Variants in EFR3B observed in about 807,000 individuals in gnomAD.
EFR3B encodes EFR3 homolog B, also known as protein EFR3 homolog B.
In EFR3B, 64 loss-of-function variants were observed where a neutral mutation model predicts 104.7. That is an observed-to-expected ratio of 0.61 (90% CI 0.50 to 0.75). EFR3B has a LOEUF of 0.75. EFR3B is among the 30% of genes least tolerant of loss of function. The pLI is 0.00. For synonymous variants in EFR3B, 385 were observed against 417.9 expected, an observed-to-expected ratio of 0.92 and a Z score of 0.96; for missense variants, 750 against 1,078.5, an observed-to-expected ratio of 0.70 and a Z score of 4.27.
chr2:25,084,588 G>A lies in EFR3B; in HGVS notation c.8-6737G>A, dbSNP rs571248920. Among the ~76,000 whole-genome samples the A allele has an allele frequency of 1.5e-3, 231 of 152,238 alleles. 3 individuals carry two copies. The highest frequency in any genetic ancestry group is 5.2e-3 in the African/African-American group (218 of 41,544). The stretch of plus-strand genomic sequence containing the variant: ...ATTTTGCCAGGCTGAGGACGTGCCC[G>A]TGACACAGCCTCAGGAGGTCCTGAC... On this transcript the variant is annotated intron_variant, in intron 1 of 22. Coordinates refer to ENST00000403714, the MANE Select transcript of EFR3B (RefSeq NM_014971.2).
intron 4 of EFR3B, among the ~76,000 whole-genome samples, chr2:25,120,498 G>A (rs1669982632): frequency 6.6e-6 from 1 of 152,090 alleles, no homozygotes. Context: ...ACAAAAATTA[G>A]CTGGGCATGG....
intron 1 of EFR3B, among the ~76,000 whole-genome samples, chr2:25,072,844 GC>G (rs1420564160): frequency 6.6e-6 from 1 of 152,092 alleles, no homozygotes; most frequent in Non-Finnish European, 1.5e-5. Context: ...CTACTCTCAG[GC>G]CTTTTCTGCT....
rs539720823 is a variant in EFR3B, at chr2:25,095,868, C to G, written c.212+2738C>G. Among the ~76,000 whole-genome samples, 5 of 152,188 alleles carry G rather than the reference C, an allele frequency of 3.3e-5. No individual in the cohort carries two copies. In the South Asian group the frequency reaches 1.0e-3, roughly 32 times the overall value. On this transcript the variant is annotated intron_variant, in intron 3 of 22. Transcript: ENST00000403714. ...ACAATAAAAAACATGAACTGCAGAG[C>G]ACGTTGTGTTTGCTCCCCAACCATC...
chr2:25,059,006 G>A (rs1002597925), intron 1 of EFR3B, among the ~76,000 whole-genome samples: 4 of 152,060 alleles, frequency 2.6e-5, no homozygotes, highest in African/African-American at 7.2e-5. Flanking sequence ...GTTCACAGCA[G>A]CATTATTCAC....
chr2:25,118,035 A>G (rs539096971), intron 4 of EFR3B, among the ~76,000 whole-genome samples: 1 of 152,260 alleles, frequency 6.6e-6, no homozygotes, highest in Admixed American at 6.5e-5. Flanking sequence ...GCTGGAGTGC[A>G]GTGGTGTGAT....
chr2:25,110,049 G>A (rs1440020359), intron 4 of EFR3B, among the ~76,000 whole-genome samples: 2 of 152,018 alleles, frequency 1.3e-5, no homozygotes, highest in African/African-American at 2.4e-5. Context: ...TCCTGGAGAC[G>A]TCCCTCCTTG....
At chr2:25,064,348 CTCAA>C (rs892307887) in intron 1 of EFR3B, among the ~76,000 whole-genome samples, 8 of 152,216 alleles carry the variant, frequency 5.3e-5, no homozygotes, top group African/African-American at 1.4e-4. Context: ...TACTCTTGAT[CTCAA>C]TCAGTTTGGC....
chr2:25,137,378 G>A lies in EFR3B; in HGVS notation c.1598G>A (p.Cys533Tyr). The A allele has an allele frequency of 1.9e-6, 3 of 1,552,102 alleles. No individual in the cohort carries two copies. Among genetic ancestry groups the A allele is most frequent in the Non-Finnish European group, 2.6e-6 (3 of 1,147,118 alleles). Residue 533 changes from cysteine to tyrosine, a missense_variant, in exon 15 of 23, where the codon TGC becomes TAC. Transcript: ENST00000403714. The surrounding 1 kb of genome is among the most constrained non-coding windows in gnomAD (Gnocchi z 4.7). ...QQLYRHIYLSCKEETNVQKHY... is the reference protein window; with the variant it reads ...QQLYRHIYLSYKEETNVQKHY... ...CTCTACAGACACATCTACCTGAGCTGCAAGGAGGAAACAAACGTGCAGAAA... is the reference window on the plus strand; with the variant it reads ...CTCTACAGACACATCTACCTGAGCTACAAGGAGGAAACAAACGTGCAGAAA...
intron 5 of EFR3B, among the ~76,000 whole-genome samples, chr2:25,127,171 G>A (rs916883045): frequency 3.3e-5 from 4 of 120,160 alleles, no homozygotes; most frequent in Admixed American, 1.2e-4. Flanking sequence ...CAGCCTGGGC[G>A]ACAGAGCCAG....
At chr2:25,125,550 C>G (rs1670139234) in intron 5 of EFR3B, among the ~76,000 whole-genome samples, 1 of 152,184 alleles carries the variant, frequency 6.6e-6, no homozygotes. Context: ...GCCAGTGGCC[C>G]TAAAAGTTTC....
intron 3 of EFR3B, among the ~76,000 whole-genome samples, chr2:25,096,890 A>C (rs1188628579): frequency 6.6e-6 from 1 of 152,214 alleles, no homozygotes; most frequent in Non-Finnish European, 1.5e-5. Flanking sequence ...AGCAGGATCC[A>C]AACCAATATG....
chr2:25,051,738 T>C (rs1469381130), intron 1 of EFR3B, among the ~76,000 whole-genome samples: 2 of 148,742 alleles, frequency 1.3e-5, no homozygotes, highest in Non-Finnish European at 3.0e-5. Flanking sequence ...CGGGTTCAAG[T>C]GATTCTCCTG....
chr2:25,042,777 A>G lies in EFR3B; in HGVS notation c.7+458A>G, dbSNP rs1667608031. On this transcript the variant is annotated intron_variant, in intron 1 of 22. Transcript: ENST00000403714. This position sits in a 1 kb window ranked among gnomAD's most constrained non-coding sequence, Gnocchi z 5.4. ...GCGGGAGGCGGCGCCGGCGGCGCAG[A>G]GGCCCGGGGAGCAGCCAGTGGCCGA... The G allele has an allele frequency of 1.2e-6, 1 of 825,098 alleles. No individual in the cohort carries two copies. The highest frequency in any genetic ancestry group is 1.5e-6 in the Non-Finnish European group (1 of 683,084). The allele number at this position is 825,098 out of a possible 1,614,324, so 51.1% of individuals were successfully genotyped here.
chr2:25,139,091 T>C lies in EFR3B; in HGVS notation c.1755T>C (p.Pro585=), dbSNP rs374693712. The C allele has an allele frequency of 5.2e-6, 8 of 1,551,666 alleles. No individual in the cohort carries two copies. Among genetic ancestry groups the C allele is most frequent in the Non-Finnish European group, 7.0e-6 (8 of 1,147,014 alleles). ...DVAQVNEENL[P]VYNRCALYAL... ...CCCAAGTCAATGAGGAGAACTTGCC[T>C]GTCTACAACCGCTGTGCCCTCTATG... is the stretch of plus-strand genomic sequence containing the variant. The change falls in exon 16 of 23, where the codon CCT becomes CCC. Residue 585 remains proline (P), a synonymous_variant. Coordinates refer to ENST00000403714, the MANE Select transcript of EFR3B (RefSeq NM_014971.2).
chr2:25,042,270 C>A lies in EFR3B; in HGVS notation c.-43C>A, dbSNP rs1667593247. 1 of 1,312,552 alleles carries A rather than the reference C, an allele frequency of 7.6e-7. No homozygotes were observed. The highest frequency in any genetic ancestry group is 3.6e-5 in the Admixed American group (1 of 27,592). The allele number at this position is 1,312,552 out of a possible 1,614,324, so 81.3% of individuals were successfully genotyped here. On this transcript the variant is annotated 5_prime_UTR_variant, in exon 1 of 23. Coordinates refer to ENST00000403714, the MANE Select transcript of EFR3B (RefSeq NM_014971.2). This position sits in a 1 kb window ranked among gnomAD's most constrained non-coding sequence, Gnocchi z 5.4. ...CGCCGCCGAGGGCTGGCTGGGAACG[C>A]CGCAGCGACGCCGGCCTCTCGAGAG...
chr2:25,103,984 A>G (rs896363968), intron 4 of EFR3B, among the ~76,000 whole-genome samples, 197 bp downstream of exon 4: 2 of 151,252 alleles, frequency 1.3e-5, no homozygotes, highest in Non-Finnish European at 1.5e-5. Context: ...AAACAAATAT[A>G]TAATTTATAT....
At chr2:25,107,996 G>A (rs1002965494) in intron 4 of EFR3B, among the ~76,000 whole-genome samples, 12 of 152,006 alleles carry the variant, frequency 7.9e-5, no homozygotes, top group African/African-American at 2.9e-4. Flanking sequence ...ACCATGCCTG[G>A]CTAGTTTTTG....
intron 1 of EFR3B, chr2:25,081,742 G>C (rs1457089001): frequency 6.7e-6 from 3 of 445,920 alleles, no homozygotes; most frequent in Non-Finnish European, 1.2e-5. Flanking sequence ...CAGGCCCCTG[G>C]AATTTTTTTA....
chr2:25,101,044 C>T (rs1170898269), intron 3 of EFR3B, among the ~76,000 whole-genome samples: 1 of 152,190 alleles, frequency 6.6e-6, no homozygotes, highest in African/African-American at 2.4e-5. Context: ...GTTTCTAAAG[C>T]ACTCCCAAAT....
Sources: allele counts gnomAD v4.1 joint callset (sites outside exome capture counted in the v4.1 genomes callset), GRCh38; gene constraint gnomAD v4.1.1; non-coding constraint Gnocchi (gnomAD v3.1); transcripts MANE v1.5; gene names NCBI Gene and HGNC (gene_info 2026-07-23, HGNC 2026-07-21).